The following NCBP3 variants were observed in gnomAD, a reference collection of about 807,000 sequenced individuals.
NCBP3 encodes the protein nuclear cap-binding protein subunit 3.
In NCBP3, 20 loss-of-function variants were observed where a neutral mutation model predicts 75.7. The observed-to-expected ratio is 0.26, with a 90% CI of 0.19 to 0.38. NCBP3 has a LOEUF of 0.38. Ranked by LOEUF, NCBP3 falls within the 10% of genes least tolerant of loss-of-function variation. NCBP3 has a pLI of 1.00. For missense variants in NCBP3, 678 were observed against 796.9 expected, an observed-to-expected ratio of 0.85 and a Z score of 1.80; for synonymous variants, 293 against 290.5, an observed-to-expected ratio of 1.01 and a Z score of -0.09.
chr17:3,835,487 G>A (rs55799124), intron 3 of NCBP3, among the ~76,000 whole-genome samples: 23,343 of 152,308 alleles, frequency 0.15, 2,332 homozygotes, highest in Non-Finnish European at 0.22. Context: ...AAAGTTGAGC[G>A]AATGGGCAGC....
chr17:3,808,067 T>C lies in NCBP3; in HGVS notation c.*4977A>G, dbSNP rs538724145. 2 of 152,326 alleles carry C rather than the reference T, an allele frequency of 1.3e-5. No individual in the cohort carries two copies. The highest frequency in any genetic ancestry group is 3.9e-4 in the East Asian group (2 of 5,184). The allele number at this position is 152,326 out of a possible 1,614,324, so 9.4% of individuals were successfully genotyped here. ...TGGCCCCTCCTTCACTCCATGAGCATAGACAAGAGGGCGGGCCCGGGCAAG... is the reference window on the plus strand; with the variant it reads ...TGGCCCCTCCTTCACTCCATGAGCACAGACAAGAGGGCGGGCCCGGGCAAG... On this transcript the variant is annotated 3_prime_UTR_variant, in exon 13 of 13. Coordinates refer to ENST00000389005, the MANE Select transcript of NCBP3 (RefSeq NM_001114118.3).
At chr17:3,828,165 C>T (rs1219403216) in intron 4 of NCBP3, among the ~76,000 whole-genome samples, 1 of 152,206 alleles carries the variant, frequency 6.6e-6, no homozygotes, top group Non-Finnish European at 1.5e-5. Flanking sequence ...GTGATCCTCC[C>T]GCCCTGGCCT....
At chr17:3,819,531 G>A (rs1222435593) in intron 9 of NCBP3, among the ~76,000 whole-genome samples, 5 of 150,918 alleles carry the variant, frequency 3.3e-5, no homozygotes, top group South Asian at 2.1e-4. Context: ...CTGCACTCCA[G>A]CCTGGGCAAC....
chr17:3,811,267 GC>G lies in NCBP3; in HGVS notation c.*1776del. ...TGGCATCCAGGTGTCCGATTCTCAG[GC>G]CCCCGCACTCCTCACTCTACCAACT... On this transcript the variant is annotated 3_prime_UTR_variant, in exon 13 of 13. Coordinates refer to ENST00000389005, the MANE Select transcript of NCBP3 (RefSeq NM_001114118.3). The G allele has an allele frequency of 6.6e-6, 1 of 152,270 alleles. No homozygotes were observed. The highest frequency in any genetic ancestry group is 1.5e-5 in the Non-Finnish European group (1 of 68,076). 9.4% of individuals were successfully genotyped at this position (152,270 alleles called of 1,614,324 possible). A position where few individuals can be genotyped will look rare whatever the true frequency, so the allele number is the denominator to read the frequency against.
intron 3 of NCBP3, among the ~76,000 whole-genome samples, chr17:3,838,372 G>C (rs2054011711): frequency 6.6e-6 from 1 of 152,272 alleles, no homozygotes; most frequent in Admixed American, 6.5e-5. Context: ...AGAGTTGTGA[G>C]AGAGACTCAC....
intron 10 of NCBP3, 54 bp from the exon 11 acceptor site, chr17:3,816,324 A>G: frequency 2.0e-6 from 3 of 1,500,394 alleles, no homozygotes; most frequent in South Asian, 2.4e-5. Context: ...CTGTGAGACA[A>G]GACCCAAACA....
Position 3,821,335 on chromosome 17 carries a change from G to C in NCBP3, c.914C>G (p.Ser305Cys). 6.2e-7 allele frequency: 1 copy of C among 1,613,874 alleles called. No individual in the cohort carries two copies. Among genetic ancestry groups the C allele is most frequent in the Non-Finnish European group, 8.5e-7 (1 of 1,179,852 alleles). Reference protein sequence around the residue: ...LSNSWKRRYHSRRIQRDVIKK... With the variant: ...LSNSWKRRYHCRRIQRDVIKK... Reference sequence around the variant, plus strand: ...GATCACGTCCCGCTGAATACGACGGGAATGATATCTTCGCTTCCTGCAAGA... The same window carrying C: ...GATCACGTCCCGCTGAATACGACGGCAATGATATCTTCGCTTCCTGCAAGA... Residue 305 changes from serine (S) to cysteine (C), a missense_variant, in exon 9 of 13, where the codon TCC becomes TGC. Physicochemically the swap from Ser to Cys is moderately radical, Grantham distance 112. Transcript: ENST00000389005.
chr17:3,830,648 C>T (rs374138694), intron 3 of NCBP3, among the ~76,000 whole-genome samples: 1 of 152,266 alleles, frequency 6.6e-6, no homozygotes, highest in East Asian at 1.9e-4. Flanking sequence ...AGTGCAGTGG[C>T]ACGATCTCGG....
intron 1 of NCBP3, among the ~76,000 whole-genome samples, chr17:3,845,677 G>A (rs1424760984): frequency 6.6e-6 from 1 of 152,130 alleles, no homozygotes; most frequent in Non-Finnish European, 1.5e-5. Context: ...CTCCTTCTGG[G>A]CTGCCCCTGG....
intron 11 of NCBP3, among the ~76,000 whole-genome samples, chr17:3,815,717 C>A (rs2053517807): frequency 2.0e-5 from 3 of 152,002 alleles, no homozygotes; most frequent in Admixed American, 1.3e-4. Context: ...AGAATTTATA[C>A]CGTATTAGGT....
Position 3,846,017 on chromosome 17 carries a change from T to C in NCBP3, c.183+24A>G. The C allele has an allele frequency of 6.5e-7, 1 of 1,541,702 alleles. No individual in the cohort carries two copies. The highest frequency in any genetic ancestry group is 8.8e-7 in the Non-Finnish European group (1 of 1,142,646). On this transcript the variant is annotated intron_variant, in intron 1 of 12. Coordinates refer to ENST00000389005, the MANE Select transcript of NCBP3 (RefSeq NM_001114118.3). This position sits in a 1 kb window ranked among gnomAD's most constrained non-coding sequence, Gnocchi z 4.6. ...AGACACTAGCCCCGCGACCTCTTCC[T>C]TACCCCCCGACCCCCGCCCGTACCG...
chr17:3,822,998 C>T (rs181740678), intron 7 of NCBP3: 1 of 152,298 alleles, frequency 6.6e-6, no homozygotes, highest in African/African-American at 2.4e-5. Context: ...CTGGCCAAAT[C>T]CAAGACAATT....
Position 3,808,584 on chromosome 17 carries a change from C to A in NCBP3, c.*4460G>T, listed in dbSNP as rs2053360815. On this transcript the variant is annotated 3_prime_UTR_variant, in exon 13 of 13. Transcript: ENST00000389005. ...CACTGGAGGTAGAAACAGCTCTGTG[C>A]ACAGTCTGTAGGGCTAGTGAGATCA... 6.6e-6 allele frequency: 1 copy of A among 152,182 alleles called. No homozygotes were observed. Among genetic ancestry groups the A allele is most frequent in the African/African-American group, 2.4e-5 (1 of 41,398 alleles). The allele number at this position is 152,182 out of a possible 1,614,324, so 9.4% of individuals were successfully genotyped here.
chr17:3,843,438 T>C (rs1450861313), intron 1 of NCBP3, among the ~76,000 whole-genome samples: 2 of 152,164 alleles, frequency 1.3e-5, no homozygotes, highest in East Asian at 3.9e-4. Context: ...CTCCCTATGT[T>C]GCCCAGGCTG....
At chr17:3,823,262 AGGTTGCAGGGAGGCAGC>A (rs1295482306) in intron 7 of NCBP3, among the ~76,000 whole-genome samples, 5 of 152,028 alleles carry the variant, frequency 3.3e-5, no homozygotes, top group Middle Eastern at 3.4e-3. Flanking sequence ...AGGGAGGCAG[AGGTTGCAGGGAGGCAGC>A]GGTTGCAGTG....
At position 3,810,923 on chromosome 17, in the gene NCBP3, A is replaced by T. The variant is rs562226238; in HGVS notation, c.*2121T>A. On this transcript the variant is annotated 3_prime_UTR_variant, in exon 13 of 13. Coordinates refer to ENST00000389005, the MANE Select transcript of NCBP3 (RefSeq NM_001114118.3). ...GTAAAACCAAAAGGAAAGTCTGTGA[A>T]GGAGCATATTCTAAACCCTGCAGAG... is the stretch of plus-strand genomic sequence containing the variant. 3.3e-5 allele frequency: 5 copies of T among 152,540 alleles called. No homozygotes were observed. The highest frequency in any genetic ancestry group is 1.3e-4 in the Admixed American group (2 of 15,306). The allele number at this position is 152,540 out of a possible 1,614,324, so 9.4% of individuals were successfully genotyped here.
At chr17:3,843,192 G>T in intron 1 of NCBP3, 41 bp from the exon 2 acceptor site, 1 of 1,499,126 alleles carries the variant, frequency 6.7e-7, no homozygotes, top group Non-Finnish European at 9.1e-7. Flanking sequence ...GACAGCAATT[G>T]AGGAAAAACC....
rs2053409013 is a variant in NCBP3, at chr17:3,811,321, C to G, written c.*1723G>C. ...CCAAACCCTGACCCTTCCTAAGAAC[C>G]TGGCTCTCAGCTGTATGCTTCACAG... is the stretch of plus-strand genomic sequence containing the variant. On this transcript the variant is annotated 3_prime_UTR_variant, in exon 13 of 13. Transcript: ENST00000389005. 1 of 152,242 alleles carries G rather than the reference C, an allele frequency of 6.6e-6. No individual in the cohort carries two copies. Among genetic ancestry groups the G allele is most frequent in the African/African-American group, 2.4e-5 (1 of 41,446 alleles). 9.4% of individuals were successfully genotyped at this position (152,242 alleles called of 1,614,324 possible). A position where few individuals can be genotyped will look rare whatever the true frequency, so the allele number is the denominator to read the frequency against.
chr17:3,816,176 G>C lies in NCBP3; in HGVS notation c.1405C>G (p.Leu469Val), dbSNP rs888770593. The change falls in exon 11 of 13, where the codon CTA becomes GTA. Residue 469 changes from leucine (L) to valine (V), a missense_variant. Around this residue, in one of 7 missense-constraint regions of NCBP3, gnomAD observed 365 missense variants for 392.7 expected, o/e 0.93. Coordinates refer to ENST00000389005, the MANE Select transcript of NCBP3 (RefSeq NM_001114118.3). Reference protein sequence around the residue: ...PPEKFADVRHLLDEKRQHSRP... With the variant: ...PPEKFADVRHVLDEKRQHSRP... ...GAGTGCTGACGTTTCTCATCTAATA[G>C]ATGTCGGACATCTGCAAATTTCTCA... The C allele has an allele frequency of 6.2e-7, 1 of 1,614,154 alleles. No homozygotes were observed. Among genetic ancestry groups the C allele is most frequent in the South Asian group, 1.1e-5 (1 of 91,074 alleles).
Sources: allele counts gnomAD v4.1 joint callset (sites outside exome capture counted in the v4.1 genomes callset), GRCh38; gene constraint gnomAD v4.1.1; regional missense constraint gnomAD v4.1.1; non-coding constraint Gnocchi (gnomAD v3.1); transcripts MANE v1.5; gene names NCBI Gene and HGNC (gene_info 2026-07-23, HGNC 2026-07-21).